The following CNTNAP5 variants were observed in gnomAD, a reference collection of about 807,000 sequenced individuals.
The protein encoded by CNTNAP5 is contactin-associated protein-like 5.
In CNTNAP5, 72 loss-of-function variants were observed where a neutral mutation model predicts 150.2. The ratio of observed to expected loss-of-function variants is 0.48; its 90% CI spans 0.40 to 0.58. The LOEUF is 0.58. Ranked by LOEUF, CNTNAP5 falls within the 20% of genes least tolerant of loss-of-function variation. The pLI is 0.00. For missense variants in CNTNAP5, 1,636 were observed against 1,626.2 expected, an observed-to-expected ratio of 1.01 and a Z score of -0.10; for synonymous variants, 672 against 619.8, an observed-to-expected ratio of 1.08 and a Z score of -1.25.
chr2:124,772,130 T>C (rs545396713), intron 16 of CNTNAP5, among the ~76,000 whole-genome samples: 1 of 152,178 alleles, frequency 6.6e-6, no homozygotes, highest in South Asian at 2.1e-4. Context: ...CCATCACTGC[T>C]GCCATCACCA....
chr2:124,667,298 T>C (rs901193772), intron 13 of CNTNAP5, among the ~76,000 whole-genome samples: 3 of 152,230 alleles, frequency 2.0e-5, no homozygotes, highest in Admixed American at 2.0e-4. Context: ...CAGAGGATTG[T>C]TTAATGTACA....
chr2:124,184,449 C>T (rs960826157), intron 1 of CNTNAP5, among the ~76,000 whole-genome samples: 3 of 152,080 alleles, frequency 2.0e-5, no homozygotes, highest in South Asian at 2.1e-4. Context: ...ATCAACATGT[C>T]GCAAATCTTG....
chr2:124,304,504 T>C (rs1262126184), intron 3 of CNTNAP5, among the ~76,000 whole-genome samples: 3 of 152,132 alleles, frequency 2.0e-5, no homozygotes, highest in Non-Finnish European at 4.4e-5. Flanking sequence ...AGGTTTCTGA[T>C]GGCAATGATA....
At chr2:124,213,059 C>T (rs1180714184) in intron 1 of CNTNAP5, among the ~76,000 whole-genome samples, 2 of 151,808 alleles carry the variant, frequency 1.3e-5, no homozygotes, top group Non-Finnish European at 1.5e-5. Context: ...AGGATGGTCT[C>T]GATCTCCCAA....
chr2:124,874,420 C>T (rs565507744), intron 21 of CNTNAP5, among the ~76,000 whole-genome samples: 160 of 152,182 alleles, frequency 1.1e-3, no homozygotes, highest in African/African-American at 3.5e-3. Context: ...TTCTAAGTCT[C>T]TGTTTAACTT....
chr2:124,653,398 A>G (rs892683518), intron 13 of CNTNAP5, among the ~76,000 whole-genome samples: 2 of 150,874 alleles, frequency 1.3e-5, no homozygotes, highest in African/African-American at 4.9e-5. Flanking sequence ...ATGTGTCTGT[A>G]TGATAGTATA....
chr2:124,391,026 A>T (rs1424772047), intron 3 of CNTNAP5, among the ~76,000 whole-genome samples: 1 of 152,222 alleles, frequency 6.6e-6, no homozygotes, highest in East Asian at 1.9e-4. Flanking sequence ...TAAATTCTGA[A>T]GCCAAACCAG....
At chr2:124,040,224 T>C (rs960681839) in intron 1 of CNTNAP5, among the ~76,000 whole-genome samples, 5 of 152,298 alleles carry the variant, frequency 3.3e-5, no homozygotes, top group Middle Eastern at 3.4e-3. Flanking sequence ...ATGGTTCTTT[T>C]GCCTAACAGA....
intron 5 of CNTNAP5, among the ~76,000 whole-genome samples, chr2:124,442,620 AC>A (rs1284878094): frequency 6.6e-6 from 1 of 152,196 alleles, no homozygotes; most frequent in Admixed American, 6.5e-5. Flanking sequence ...AATAAGGAGA[AC>A]CTTTTAAACT....
At chr2:124,634,122 C>A (rs1015113325) in intron 12 of CNTNAP5, among the ~76,000 whole-genome samples, 2 of 152,190 alleles carry the variant, frequency 1.3e-5, no homozygotes, top group African/African-American at 2.4e-5. Flanking sequence ...ATGCAAATTT[C>A]TGCAGCCAGC....
chr2:124,459,996 T>C (rs545790760), intron 6 of CNTNAP5, among the ~76,000 whole-genome samples: 1 of 152,274 alleles, frequency 6.6e-6, no homozygotes, highest in South Asian at 2.1e-4. Flanking sequence ...ACCTTATGTA[T>C]TGGTGCCTGA....
At chr2:124,648,245 G>A (rs1189117995) in intron 13 of CNTNAP5, among the ~76,000 whole-genome samples, 1 of 152,200 alleles carries the variant, frequency 6.6e-6, no homozygotes, top group Non-Finnish European at 1.5e-5. Context: ...CATCTGAAGA[G>A]GAATGGGCCT....
chr2:124,777,775 A>ATATGTG (rs1553441220), intron 17 of CNTNAP5, among the ~76,000 whole-genome samples: 1 of 130,600 alleles, frequency 7.7e-6, no homozygotes, highest in Non-Finnish European at 1.6e-5. Context: ...GAATGGAGGG[A>ATATGTG]TGTGTGTGTG....
At chr2:124,664,703 T>C (rs1427571749) in intron 13 of CNTNAP5, among the ~76,000 whole-genome samples, 3 of 152,234 alleles carry the variant, frequency 2.0e-5, no homozygotes, top group Non-Finnish European at 4.4e-5. Flanking sequence ...TTGTTTCTTT[T>C]GAGACGGAGT....
intron 1 of CNTNAP5, among the ~76,000 whole-genome samples, chr2:124,050,236 G>A (rs1185764756): frequency 1.3e-5 from 2 of 152,130 alleles, no homozygotes; most frequent in Non-Finnish European, 2.9e-5. Context: ...GCCAAGGCAG[G>A]TGGCCTCACT....
intron 12 of CNTNAP5, among the ~76,000 whole-genome samples, chr2:124,625,568 A>AT (rs1052406107): frequency 1.1e-4 from 17 of 152,202 alleles, no homozygotes; most frequent in African/African-American, 4.1e-4. Flanking sequence ...TCAGTGCTTA[A>AT]TAAGTCCCCA....
chr2:124,700,171 C>A (rs1248565276), intron 13 of CNTNAP5, among the ~76,000 whole-genome samples: 1 of 152,116 alleles, frequency 6.6e-6, no homozygotes, highest in Non-Finnish European at 1.5e-5. Flanking sequence ...CATGATTTGT[C>A]CATGTTGTAG....
At chr2:124,756,889 A>G (rs1680850729) in intron 14 of CNTNAP5, among the ~76,000 whole-genome samples, 1 of 152,162 alleles carries the variant, frequency 6.6e-6, no homozygotes, top group Non-Finnish European at 1.5e-5. Flanking sequence ...CCTATGTAAT[A>G]AACTTGCACA....
At chr2:124,438,686 C>T (rs1692597823) in intron 5 of CNTNAP5, among the ~76,000 whole-genome samples, 5 of 152,114 alleles carry the variant, frequency 3.3e-5, no homozygotes, top group Admixed American at 3.3e-4. Context: ...TTTAATTTAG[C>T]TCTTTTGAAA....
Sources: gnomAD v4.1 joint callset for allele counts (sites outside exome capture counted in the v4.1 genomes callset) on GRCh38, gnomAD v4.1.1 for gene constraint, MANE v1.5 for transcripts, NCBI Gene and HGNC (gene_info 2026-07-23, HGNC 2026-07-21) for gene names.